Variants in PRKCA observed in about 807,000 individuals in gnomAD.
The protein encoded by PRKCA is protein kinase C alpha, also known as protein kinase C alpha type.
Under a neutral mutation model 87.0 loss-of-function variants are expected in PRKCA, and 27 were observed. The observed-to-expected ratio is 0.31, with a 90% CI of 0.23 to 0.43. The LOEUF is 0.43. Ranked by LOEUF, PRKCA falls within the 20% of genes least tolerant of loss-of-function variation. The pLI is 1.00. For synonymous variants in PRKCA, 329 were observed against 311.1 expected, an observed-to-expected ratio of 1.06 and a Z score of -0.61; for missense variants, 518 against 852.3, an observed-to-expected ratio of 0.61 and a Z score of 4.88.
intron 8 of PRKCA, among the ~76,000 whole-genome samples, chr17:66,729,636 G>A (rs1048440213): frequency 6.6e-6 from 1 of 152,114 alleles, no homozygotes; most frequent in African/African-American, 2.4e-5. Flanking sequence ...GAGCTCAGCC[G>A]TGTTTCACAC....
At chr17:66,474,126 T>A (rs538692988) in intron 2 of PRKCA, among the ~76,000 whole-genome samples, 39 of 152,212 alleles carry the variant, frequency 2.6e-4, no homozygotes, top group Non-Finnish European at 4.9e-4. Flanking sequence ...ACTCTTATCG[T>A]TGATCCTTAT....
chr17:66,687,398 G>T (rs1598874129), intron 6 of PRKCA, 131 bp downstream of exon 6: 2 of 928,166 alleles, frequency 2.2e-6, no homozygotes, highest in Non-Finnish European at 3.1e-6. Flanking sequence ...ACCTCCTCAG[G>T]CTGCCATTAG....
chr17:66,484,528 A>AT (rs1163281852), intron 2 of PRKCA, among the ~76,000 whole-genome samples: 1 of 152,088 alleles, frequency 6.6e-6, no homozygotes, highest in African/African-American at 2.4e-5. Context: ...CAGGTTTCTT[A>AT]TTTTTTCTGA....
rs1972652511 is a variant in PRKCA, at chr17:66,687,166, T to C, written c.585T>C (p.Tyr195=). The stretch of plus-strand genomic sequence containing the variant: ...ATCCAAACGGGCTTTCAGATCCTTA[T>C]GTGAAGCTGAAACTTATTCCTGATC... The part of the protein sequence containing the change: ...PMDPNGLSDP[Y]VKLKLIPDPK... Residue 195 remains tyrosine (Y), a synonymous_variant, in exon 6 of 17, where the codon TAT becomes TAC. Coordinates refer to ENST00000413366, the MANE Select transcript of PRKCA (RefSeq NM_002737.3). 26 of 1,613,796 alleles carry C rather than the reference T, an allele frequency of 1.6e-5. No homozygotes were observed. The highest frequency in any genetic ancestry group is 2.0e-5 in the Non-Finnish European group (24 of 1,179,792).
intron 2 of PRKCA, among the ~76,000 whole-genome samples, chr17:66,309,942 A>G (rs1460067625): frequency 6.6e-6 from 1 of 152,198 alleles, no homozygotes; most frequent in Non-Finnish European, 1.5e-5. Flanking sequence ...GTCAGTCATC[A>G]GAGAACAGAG....
chr17:66,677,721 A>G (rs1000566975), intron 5 of PRKCA, among the ~76,000 whole-genome samples: 2 of 152,186 alleles, frequency 1.3e-5, no homozygotes, highest in Non-Finnish European at 2.9e-5. Context: ...TGGTTTTGTC[A>G]TCTGGAAAAC....
chr17:66,788,447 G>A (rs1166302324), intron 15 of PRKCA, among the ~76,000 whole-genome samples: 1 of 152,006 alleles, frequency 6.6e-6, no homozygotes, highest in Non-Finnish European at 1.5e-5. Context: ...GGCATCCTCT[G>A]TGATGCTAGA....
At chr17:66,323,232 G>A (rs1905786969) in intron 2 of PRKCA, among the ~76,000 whole-genome samples, 1 of 152,156 alleles carries the variant, frequency 6.6e-6, no homozygotes, top group East Asian at 1.9e-4. Context: ...CATGCTCCCA[G>A]TGCACGTTAC....
chr17:66,388,841 A>G (rs1011947557), intron 2 of PRKCA, among the ~76,000 whole-genome samples: 2 of 152,134 alleles, frequency 1.3e-5, no homozygotes, highest in Admixed American at 6.5e-5. Context: ...GTGTACCAGA[A>G]GTCATTGGTC....
At chr17:66,428,204 A>G (rs1240215932) in intron 2 of PRKCA, among the ~76,000 whole-genome samples, 2 of 152,216 alleles carry the variant, frequency 1.3e-5, no homozygotes, top group East Asian at 3.9e-4. Context: ...GCCAGAGTCA[A>G]CAGGGATAAA....
intron 3 of PRKCA, among the ~76,000 whole-genome samples, chr17:66,566,672 CTGTT>C (rs1183320749): frequency 6.6e-6 from 1 of 152,014 alleles, no homozygotes; most frequent in East Asian, 1.9e-4. Context: ...TAGACCAGAA[CTGTT>C]TGTTAATTCA....
rs146012679 is a variant in PRKCA at position 66,418,235 on chromosome 17, T to TGC, written c.206-77962_206-77961dup. ...TGAGAAAACTGCCTACTTGTGTGTG[T>TGC]GCGCGTATGTGTATAGTAAATGTAT... On this transcript the variant is annotated intron_variant, in intron 2 of 16. Transcript: ENST00000413366. Among the ~76,000 whole-genome samples, 512 of 152,324 alleles carry TGC rather than the reference T, an allele frequency of 3.4e-3. 1 individual carries two copies. The highest frequency in any genetic ancestry group is 0.012 in the African/African-American group (492 of 41,568).
At chr17:66,780,641 C>T (rs1372552728) in intron 14 of PRKCA, among the ~76,000 whole-genome samples, 1 of 151,880 alleles carries the variant, frequency 6.6e-6, no homozygotes. Context: ...CGCACCACTG[C>T]ACTCTAGCCT....
At position 66,789,354 on chromosome 17, in the gene PRKCA, G is replaced by A. The variant is rs557915678; in HGVS notation, c.1854+375G>A. On this transcript the variant is annotated intron_variant, in intron 16 of 16. Transcript: ENST00000413366. ...GTCCTCAGCAGGACTCAGGCTTCGT[G>A]TCTGTCTCTGGTTTTCCTGGGTTTG... Among the ~76,000 whole-genome samples the A allele has an allele frequency of 2.6e-4, 40 of 152,320 alleles. No homozygotes were observed. The South Asian group carries it at 7.7e-3, about 29-fold the overall frequency.
intron 2 of PRKCA, among the ~76,000 whole-genome samples, chr17:66,465,648 C>A (rs973463367): frequency 1.3e-5 from 2 of 152,040 alleles, no homozygotes; most frequent in African/African-American, 4.8e-5. Flanking sequence ...GTCCTCCCAC[C>A]TTGGCCCCTC....
In PRKCA at chr17:66,627,301, G is replaced by A. The variant is rs149493795; in HGVS notation, c.289-14054G>A. On this transcript the variant is annotated intron_variant, in intron 3 of 16. Transcript: ENST00000413366. The stretch of plus-strand genomic sequence containing the variant: ...GAAGTCTCTGATGCTGTCCTGGGGC[G>A]TGGGGGTTGGGGGGAATGTATCAAT... 5.1e-3 allele frequency among the ~76,000 whole-genome samples: 772 copies of A among 151,938 alleles called. 9 individuals are homozygous for A. The highest frequency in any genetic ancestry group is 0.015 in the African/African-American group (623 of 41,258).
At chr17:66,359,092 G>A (rs1908234396) in intron 2 of PRKCA, among the ~76,000 whole-genome samples, 1 of 152,020 alleles carries the variant, frequency 6.6e-6, no homozygotes, top group Non-Finnish European at 1.5e-5. Flanking sequence ...CCAAAATAAA[G>A]TTATTTGAAA....
chr17:66,735,750 G>A (rs995670990), intron 10 of PRKCA, 88 bp downstream of exon 10: 16 of 1,429,576 alleles, frequency 1.1e-5, no homozygotes, highest in Middle Eastern at 2.2e-4. Context: ...TTGTTCCTTT[G>A]GAGAAGGCTG....
At chr17:66,739,453 C>T (rs906265678) in intron 11 of PRKCA, among the ~76,000 whole-genome samples, 1 of 152,218 alleles carries the variant, frequency 6.6e-6, no homozygotes, top group Non-Finnish European at 1.5e-5. Context: ...TGCTCTGCAC[C>T]AGGCACTGGG....
Sources: gnomAD v4.1 joint callset for allele counts (sites outside exome capture counted in the v4.1 genomes callset) on GRCh38, gnomAD v4.1.1 for gene constraint, MANE v1.5 for transcripts, NCBI Gene and HGNC (gene_info 2026-07-23, HGNC 2026-07-21) for gene names.